The following ST3GAL5 variants were observed in gnomAD, a reference collection of about 807,000 sequenced individuals.
ST3GAL5 encodes the protein lactosylceramide alpha-2,3-sialyltransferase.
A neutral mutation model predicts 46.1 loss-of-function variants in ST3GAL5; 25 were observed. The ratio of observed to expected loss-of-function variants is 0.54; its 90% confidence interval spans 0.40 to 0.76. ST3GAL5 has a LOEUF of 0.76. Among genes scored for constraint, ST3GAL5 ranks in the 30% least tolerant of loss-of-function variants. The pLI, the probability that ST3GAL5 is intolerant of heterozygous loss-of-function variation, is 0.00. For synonymous variants in ST3GAL5, 182 were observed against 192.7 expected (o/e 0.94, Z 0.46); for missense variants, 431 against 521.2 (o/e 0.83, Z 1.69).
intron 6 of ST3GAL5, among the ~76,000 whole-genome samples, chr2:85,842,907 C>T (rs1305184117): frequency 1.3e-5 from 2 of 151,930 alleles, no homozygotes; most frequent in Admixed American, 6.6e-5. Context: ...ATTACAGGCA[C>T]GCGCCACCAC....
rs1162716027 is a variant in ST3GAL5 at position 85,848,166 on chromosome 2, T to C, written c.357A>G (p.Glu119=). 1.2e-6 allele frequency: 2 copies of C among 1,614,226 alleles called. No individual in the cohort carries two copies. Among genetic ancestry groups the C allele is most frequent in the Non-Finnish European group, 1.7e-6 (2 of 1,180,046 alleles). ...QKYAQQVLQK[E]CRPKFAKTSM... The stretch of plus-strand genomic sequence containing the variant: ...ATGTCTTGGCAAACTTGGGACGACA[T>C]TCCTTCTGCAAGACTTGCTGAGCAT... The change falls in exon 4 of 7, where the codon GAA becomes GAG. Residue 119 remains glutamate (E), a synonymous_variant. Coordinates refer to ENST00000638572, the MANE Select transcript of ST3GAL5 (RefSeq NM_003896.4).
intron 5 of ST3GAL5, chr2:85,844,913 C>T (rs538020865): frequency 1.6e-4 from 54 of 343,194 alleles, no homozygotes; most frequent in Non-Finnish European, 2.6e-4. Flanking sequence ...GCCCTCACCT[C>T]GCATCCTCTC....
chr2:85,887,930 G>C (rs1687934453), intron 1 of ST3GAL5: 1 of 152,208 alleles, frequency 6.6e-6, no homozygotes, highest in African/African-American at 2.4e-5. Flanking sequence ...CCCTTCAAAT[G>C]AACGATGCCT....
chr2:85,872,527 G>A (rs1277228925), intron 1 of ST3GAL5, among the ~76,000 whole-genome samples: 1 of 151,392 alleles, frequency 6.6e-6, no homozygotes, highest in East Asian at 1.9e-4. Flanking sequence ...AGGTTGCAGT[G>A]AGCCGAGATT....
At chr2:85,874,615 C>T (rs1326369004) in intron 1 of ST3GAL5, among the ~76,000 whole-genome samples, 1 of 152,058 alleles carries the variant, frequency 6.6e-6, no homozygotes, top group Non-Finnish European at 1.5e-5. Flanking sequence ...GCATTCATTG[C>T]CACTGATACA....
At chr2:85,863,527 A>C in intron 1 of ST3GAL5, 42 bp from the exon 2 acceptor site, 1 of 1,609,442 alleles carries the variant, frequency 6.2e-7, no homozygotes, top group Non-Finnish European at 8.5e-7. Flanking sequence ...AAAAGAGAGG[A>C]GAGAGTTAGG....
In ST3GAL5 at chr2:85,858,470, C is replaced by T. The variant is rs570682539; in HGVS notation, c.318+2711G>A. Reference sequence around the variant, plus strand: ...GGATTACAGGTGCCTGCCACCACGCCCAGCTAATTTCTGTATTTTTAGTAG... The same window carrying T: ...GGATTACAGGTGCCTGCCACCACGCTCAGCTAATTTCTGTATTTTTAGTAG... On this transcript the variant is annotated intron_variant, in intron 3 of 6. Coordinates refer to ENST00000638572, the MANE Select transcript of ST3GAL5 (RefSeq NM_003896.4). 4.0e-4 allele frequency among the ~76,000 whole-genome samples: 61 copies of T among 152,300 alleles called. 2 individuals are homozygous for T. The highest frequency in any genetic ancestry group is 1.4e-3 in the African/African-American group (60 of 41,562).
intron 3 of ST3GAL5, chr2:85,851,191 A>G: frequency 2.0e-6 from 2 of 995,704 alleles, no homozygotes; most frequent in Non-Finnish European, 1.2e-6. Context: ...CTGGGATTAT[A>G]GATGTGAGCC....
chr2:85,888,995 G>T (rs1227493406), upstream of ST3GAL5: 8 of 1,024,338 alleles, frequency 7.8e-6, no homozygotes, highest in Admixed American at 2.3e-4. Context: ...TCAGCTGGGG[G>T]CCGCCGCTCC....
intron 1 of ST3GAL5, chr2:85,868,052 G>A: frequency 4.6e-6 from 1 of 217,850 alleles, no homozygotes; most frequent in South Asian, 7.7e-5. Flanking sequence ...ACAAGAGAAG[G>A]GCCAAGCTGG....
intron 4 of ST3GAL5, 29 bp from the exon 5 acceptor site, chr2:85,846,592 C>T (rs1558651079): frequency 1.2e-6 from 2 of 1,610,270 alleles, no homozygotes; most frequent in Admixed American, 1.7e-5. Flanking sequence ...CAAAGACACA[C>T]TGACAAAGCA....
intron 1 of ST3GAL5, among the ~76,000 whole-genome samples, chr2:85,882,952 T>C (rs1250326093): frequency 3.3e-5 from 5 of 152,162 alleles, no homozygotes; most frequent in East Asian, 3.9e-4. Context: ...TGTACCCCTA[T>C]TGTATCTAAC....
At chr2:85,876,070 C>T (rs1224208796) in intron 1 of ST3GAL5, among the ~76,000 whole-genome samples, 1 of 152,134 alleles carries the variant, frequency 6.6e-6, no homozygotes, top group Non-Finnish European at 1.5e-5. Context: ...AAACATACAA[C>T]CTGAGTTCTG....
intron 3 of ST3GAL5, chr2:85,850,652 C>T (rs1311951608): frequency 1.3e-5 from 2 of 152,256 alleles, no homozygotes; most frequent in African/African-American, 2.4e-5. Context: ...AAAGGCCTAA[C>T]CCTCCACTAG....
chr2:85,876,853 G>A (rs1686637126), intron 1 of ST3GAL5, among the ~76,000 whole-genome samples: 4 of 152,158 alleles, frequency 2.6e-5, no homozygotes, highest in Admixed American at 2.6e-4. Flanking sequence ...ACCACGGAAA[G>A]GGCAGACACT....
Position 85,839,918 on chromosome 2 carries a change from A to G in ST3GAL5, c.*226T>C. Reference sequence around the variant, plus strand: ...CTCTTTGAGAAGTCTTTCCAATTCAATTCTTAAGTTTCATTTACAAAATGG... The same window carrying G: ...CTCTTTGAGAAGTCTTTCCAATTCAGTTCTTAAGTTTCATTTACAAAATGG... On this transcript the variant is annotated 3_prime_UTR_variant, in exon 7 of 7. Coordinates refer to ENST00000638572, the MANE Select transcript of ST3GAL5 (RefSeq NM_003896.4). The G allele has an allele frequency of 6.9e-6, 4 of 583,764 alleles. No individual in the cohort carries two copies. The highest frequency in any genetic ancestry group is 1.2e-5 in the Non-Finnish European group (4 of 330,870). 36.2% of individuals were successfully genotyped at this position (583,764 alleles called of 1,614,324 possible).
chr2:85,874,577 C>T (rs1686314026), intron 1 of ST3GAL5, among the ~76,000 whole-genome samples: 2 of 152,000 alleles, frequency 1.3e-5, no homozygotes. Flanking sequence ...ACGACTTCCA[C>T]CCCCTCACTT....
intron 1 of ST3GAL5, among the ~76,000 whole-genome samples, chr2:85,868,940 C>CA (rs1247904943): frequency 6.6e-6 from 1 of 152,156 alleles, no homozygotes; most frequent in Admixed American, 6.5e-5. Flanking sequence ...TTTTAACCAA[C>CA]AAAAAACGAT....
At chr2:85,885,626 A>G (rs1687655249) in intron 1 of ST3GAL5, among the ~76,000 whole-genome samples, 1 of 152,020 alleles carries the variant, frequency 6.6e-6, no homozygotes, top group African/African-American at 2.4e-5. Flanking sequence ...CAGGAAATCG[A>G]GACCATCCTG....
Sources: allele counts gnomAD v4.1 joint callset (sites outside exome capture counted in the v4.1 genomes callset), GRCh38; gene constraint gnomAD v4.1.1; transcripts MANE v1.5; gene names NCBI Gene and HGNC (gene_info 2026-07-23, HGNC 2026-07-21).